FARP1: variants seen among roughly 807,000 people sequenced by gnomAD.
The protein encoded by FARP1 is FERM, ARHGEF and pleckstrin domain-containing protein 1.
FARP1 carries 52 observed loss-of-function variants against 128.8 expected under a neutral mutation model. That is an observed-to-expected ratio of 0.40 (90% CI 0.32 to 0.51). The LOEUF (loss-of-function observed/expected upper bound fraction) is 0.51, where lower values mean the gene tolerates loss of function less well. Ranked by LOEUF, FARP1 falls within the 20% of genes least tolerant of loss-of-function variation. The pLI, the probability that FARP1 is intolerant of heterozygous loss-of-function variation, is 0.45. For missense variants in FARP1, 1,333 were observed against 1,367.9 expected (o/e 0.97, Z 0.40); for synonymous variants, 580 against 551.8 (o/e 1.05, Z -0.72).
chr13:98,322,238 C>T (rs1460299727), intron 2 of FARP1, among the ~76,000 whole-genome samples: 1 of 152,172 alleles, frequency 6.6e-6, no homozygotes, highest in Non-Finnish European at 1.5e-5. Context: ...GCAGAGGTTG[C>T]AGTGAGTGGA....
At chr13:98,367,539 C>T (rs960414591) in intron 4 of FARP1, among the ~76,000 whole-genome samples, 1 of 151,500 alleles carries the variant, frequency 6.6e-6, no homozygotes, top group Non-Finnish European at 1.5e-5. Context: ...TCAATCTCTC[C>T]CTCCCCTCAC....
intron 1 of FARP1, among the ~76,000 whole-genome samples, chr13:98,210,639 TTC>T (rs1880639960): frequency 1.3e-5 from 2 of 151,680 alleles, no homozygotes; most frequent in Admixed American, 6.6e-5. Flanking sequence ...AACCTCCGCC[TTC>T]CGGGTTCACG....
intron 24 of FARP1, among the ~76,000 whole-genome samples, chr13:98,442,082 ATTGT>A (rs1892547140): frequency 1.3e-5 from 2 of 152,150 alleles, no homozygotes; most frequent in African/African-American, 4.8e-5. Flanking sequence ...CATCATTGTG[ATTGT>A]GTTTTATGTG....
At chr13:98,220,497 C>T (rs913875338) in intron 2 of FARP1, among the ~76,000 whole-genome samples, 1 of 152,124 alleles carries the variant, frequency 6.6e-6, no homozygotes, top group African/African-American at 2.4e-5. Context: ...TTTCTTTTGG[C>T]TCCTTTTATT....
intron 3 of FARP1, among the ~76,000 whole-genome samples, chr13:98,348,456 G>A (rs1264802407): frequency 6.6e-6 from 1 of 152,242 alleles, no homozygotes; most frequent in Non-Finnish European, 1.5e-5. Flanking sequence ...CCATGGGGGC[G>A]AGTTCCGGGA....
At chr13:98,434,549 C>T (rs1892178479) in intron 18 of FARP1, 1 of 152,196 alleles carries the variant, frequency 6.6e-6, no homozygotes, top group Non-Finnish European at 1.5e-5. Flanking sequence ...TTTTCTTGAC[C>T]AAACTACCCA....
intron 18 of FARP1, chr13:98,432,469 A>C (rs1335326480): frequency 6.6e-6 from 1 of 152,276 alleles, no homozygotes; most frequent in African/African-American, 2.4e-5. Context: ...CTGGTGTCAC[A>C]GTTGGTCTGT....
chr13:98,221,204 C>T (rs1039327569), intron 2 of FARP1, among the ~76,000 whole-genome samples: 3 of 152,186 alleles, frequency 2.0e-5, no homozygotes, highest in African/African-American at 7.2e-5. Context: ...AGATTTGGTT[C>T]TCATGAAAGT....
At chr13:98,359,109 T>C (rs1246087734) in intron 3 of FARP1, among the ~76,000 whole-genome samples, 6 of 152,240 alleles carry the variant, frequency 3.9e-5, no homozygotes, top group African/African-American at 9.6e-5. Flanking sequence ...TGAACTTTTG[T>C]TGAGTCCTTT....
At chr13:98,355,261 A>T (rs536505445) in intron 3 of FARP1, among the ~76,000 whole-genome samples, 48 of 152,252 alleles carry the variant, frequency 3.2e-4, no homozygotes, top group Non-Finnish European at 6.5e-4. Context: ...CAAGAGGATC[A>T]CTTGAACCCA....
chr13:98,314,983 C>T (rs1225731024), intron 2 of FARP1, among the ~76,000 whole-genome samples: 3 of 152,116 alleles, frequency 2.0e-5, no homozygotes, highest in East Asian at 1.9e-4. Flanking sequence ...CCTGTGTGGG[C>T]GAGAGAGAAG....
Position 98,435,618 on chromosome 13 carries a change from G to A in FARP1, c.2186G>A (p.Gly729Asp). 1 of 1,613,896 alleles carries A rather than the reference G, an allele frequency of 6.2e-7. No homozygotes were observed. Among genetic ancestry groups the A allele is most frequent in the Non-Finnish European group, 8.5e-7 (1 of 1,179,886 alleles). ...EITEMVAQLH[G>D]TMIKMENFQK... ...ACGGAGATGGTGGCACAGCTCCACGGTACGATGATCAAGATGGAGAATTTC... is the reference window on the plus strand; with the variant it reads ...ACGGAGATGGTGGCACAGCTCCACGATACGATGATCAAGATGGAGAATTTC... The change falls in exon 19 of 27, where the codon GGT becomes GAT. Residue 729 changes from glycine to aspartate, a missense_variant. Physicochemically the swap from Gly to Asp is moderately conservative, Grantham distance 94 (BLOSUM62 -1). Coordinates refer to ENST00000319562, the MANE Select transcript of FARP1 (RefSeq NM_005766.4).
chr13:98,351,066 C>CAGCCTCGCCTCCCCTGCCT (rs1888400221), intron 3 of FARP1, among the ~76,000 whole-genome samples: 1 of 146,380 alleles, frequency 6.8e-6, no homozygotes, highest in African/African-American at 2.6e-5. Context: ...CTCCCCTGCC[C>CAGCCTCGCCTCCCCTGCCT]AGCCTCGCCT....
intron 2 of FARP1, among the ~76,000 whole-genome samples, chr13:98,277,678 GA>G (rs1453176205): frequency 2.0e-5 from 3 of 152,162 alleles, no homozygotes; most frequent in African/African-American, 7.2e-5. Context: ...AGAGTCAGCC[GA>G]GTGAGTCTCA....
intron 1 of FARP1, among the ~76,000 whole-genome samples, chr13:98,170,359 T>G (rs1877568647): frequency 6.7e-6 from 1 of 148,548 alleles, no homozygotes; most frequent in South Asian, 2.2e-4. Context: ...AATTTTTGTT[T>G]GTTTGTTTAT....
At chr13:98,149,729 C>CTTTTTTTT (rs71120307) in intron 1 of FARP1, among the ~76,000 whole-genome samples, 2 of 52,418 alleles carry the variant, frequency 3.8e-5, no homozygotes, top group Non-Finnish European at 6.8e-5. Context: ...TAGATATTTA[C>CTTTTTTTT]TTTTTTTTTT....
rs375146209 is a variant in FARP1 at position 98,256,916 on chromosome 13, A to C, written c.171+43503A>C. Among the ~76,000 whole-genome samples the C allele has an allele frequency of 7.9e-5, 11 of 138,542 alleles. No individual in the cohort carries two copies. In the East Asian group the frequency reaches 2.3e-3, roughly 28 times the overall value. 90.9% of individuals were successfully genotyped at this position (138,542 alleles called of 152,430 possible). ...GGAACAATAATAAAAAGAATGATAA[A>C]TAATAACAATAATTTTCAAAGTATA... On this transcript the variant is annotated intron_variant, in intron 2 of 26. Transcript: ENST00000319562.
Position 98,448,309 on chromosome 13 carries a change from G to T in FARP1, c.3130G>T (p.Val1044Leu). The T allele has an allele frequency of 6.2e-7, 1 of 1,612,828 alleles. No homozygotes were observed. The highest frequency in any genetic ancestry group is 8.5e-7 in the Non-Finnish European group (1 of 1,178,752). The change falls in exon 27 of 27, where the codon GTG becomes TTG. Residue 1044 changes from valine to leucine, a missense_variant. Physicochemically the swap from Val to Leu is conservative, Grantham distance 32. Transcript: ENST00000319562. ...PHVLSHKESL[V>L]Y ...CGTGTTGAGTCACAAAGAGTCTCTT[G>T]TGTATTGATGGCCGGACACACTCGT...
chr13:98,262,559 C>T lies in FARP1; in HGVS notation c.171+49146C>T, dbSNP rs150001708. ...TTAAAATGGACAGAAATGAAAGGAT[C>T]GCATTACAGGTTTCATAGAAACTGG... On this transcript the variant is annotated intron_variant, in intron 2 of 26. Coordinates refer to ENST00000319562, the MANE Select transcript of FARP1 (RefSeq NM_005766.4). Among the ~76,000 whole-genome samples the T allele has an allele frequency of 3.2e-3, 482 of 152,204 alleles. 2 individuals are homozygous for T. The highest frequency in any genetic ancestry group is 0.011 in the African/African-American group (458 of 41,520).
Sources: allele counts gnomAD v4.1 joint callset (sites outside exome capture counted in the v4.1 genomes callset), GRCh38; gene constraint gnomAD v4.1.1; transcripts MANE v1.5; gene names NCBI Gene and HGNC (gene_info 2026-07-23, HGNC 2026-07-21).